Variants in SAFB observed in about 807,000 individuals in gnomAD.
SAFB encodes scaffold attachment factor B1.
SAFB carries 15 observed loss-of-function variants against 101.6 expected under a neutral mutation model. The ratio of observed to expected loss-of-function variants is 0.15; its 90% CI spans 0.10 to 0.23. SAFB has a LOEUF of 0.23. Ranked by LOEUF, SAFB falls within the 10% of genes least tolerant of loss-of-function variation. SAFB has a pLI of 1.00. For missense variants in SAFB, 930 were observed against 1,104.1 expected (o/e 0.84, Z 2.23); for synonymous variants, 449 against 407.5 (o/e 1.10, Z -1.23).
chr19:5,634,002 A>G (rs1190882167), intron 2 of SAFB, among the ~76,000 whole-genome samples: 4 of 152,120 alleles, frequency 2.6e-5, no homozygotes, highest in African/African-American at 9.7e-5. Context: ...GCTGGTTAAA[A>G]TTGTTAATCA....
chr19:5,626,058 A>T (rs367650012), intron 1 of SAFB, among the ~76,000 whole-genome samples: 1 of 152,168 alleles, frequency 6.6e-6, no homozygotes, highest in African/African-American at 2.4e-5. Flanking sequence ...GAACCAGATA[A>T]GCCTACTGTT....
intron 6 of SAFB, chr19:5,648,363 C>T (rs1162689710): frequency 2.7e-6 from 1 of 364,500 alleles, no homozygotes; most frequent in Admixed American, 4.4e-5. Flanking sequence ...AATACCTCTG[C>T]ACCCACAAAA....
At chr19:5,662,448 C>T (rs903985960) in intron 15 of SAFB, among the ~76,000 whole-genome samples, 8 of 150,958 alleles carry the variant, frequency 5.3e-5, no homozygotes, top group African/African-American at 4.9e-5. Flanking sequence ...GAGCCAAGAT[C>T]GTGCCACTGC....
intron 9 of SAFB, among the ~76,000 whole-genome samples, chr19:5,652,810 G>A (rs1399011146): frequency 5.3e-5 from 8 of 151,226 alleles, no homozygotes; most frequent in Admixed American, 5.3e-4. Flanking sequence ...CTGTATATTT[G>A]GAATCATTTC....
chr19:5,659,118 G>GT (rs2054135284), intron 14 of SAFB, among the ~76,000 whole-genome samples: 1 of 151,834 alleles, frequency 6.6e-6, no homozygotes, highest in East Asian at 2.0e-4. Context: ...CTCCAACCTG[G>GT]GTGACAGAGC....
chr19:5,634,012 A>G (rs2053545037), intron 2 of SAFB, among the ~76,000 whole-genome samples: 1 of 152,262 alleles, frequency 6.6e-6, no homozygotes, highest in South Asian at 2.1e-4. Context: ...ATTGTTAATC[A>G]CTTCTCCAGG....
At chr19:5,658,903 T>C (rs1210069627) in intron 14 of SAFB, among the ~76,000 whole-genome samples, 2 of 141,448 alleles carry the variant, frequency 1.4e-5, no homozygotes, top group African/African-American at 2.6e-5. Context: ...TCCCAGCACT[T>C]TGGGAGGCCG....
chr19:5,667,287 GTTA>G lies in SAFB; in HGVS notation c.2454-56_2454-54del. On this transcript the variant is annotated intron_variant, in intron 18 of 20. Coordinates refer to ENST00000588852, the MANE Select transcript of SAFB (RefSeq NM_001201338.2). The surrounding 1 kb of genome is among the most constrained non-coding windows in gnomAD (Gnocchi z 4.0). Reference sequence around the variant, plus strand: ...GATTCACTCTCCAGAAGCCGCCACAGTTATTAGCACAAGAGCCAGAGATGGGGG... The same window carrying G: ...GATTCACTCTCCAGAAGCCGCCACAGTTAGCACAAGAGCCAGAGATGGGGG... The G allele has an allele frequency of 7.4e-7, 1 of 1,359,122 alleles. No homozygotes were observed. The allele number at this position is 1,359,122 out of a possible 1,614,324, so 84.2% of individuals were successfully genotyped here. A position where few individuals can be genotyped will look rare whatever the true frequency, so the allele number is the denominator to read the frequency against.
At chr19:5,639,025 CAAGTATTTTCTATTTAGAAA>C (rs1431310156) in intron 2 of SAFB, among the ~76,000 whole-genome samples, 9 of 152,158 alleles carry the variant, frequency 5.9e-5, no homozygotes, top group Admixed American at 3.3e-4. Context: ...CCACGCCTGG[CAAGTATTTTCTATTTAGAAA>C]AACATGGTAA....
chr19:5,646,626 A>G (rs1568263788), intron 5 of SAFB, among the ~76,000 whole-genome samples: 1 of 152,218 alleles, frequency 6.6e-6, no homozygotes, highest in African/African-American at 2.4e-5. Flanking sequence ...GTACATGGGG[A>G]AAAAACTGAT....
chr19:5,646,812 G>A (rs1283994722), intron 5 of SAFB, among the ~76,000 whole-genome samples: 1 of 152,200 alleles, frequency 6.6e-6, no homozygotes, highest in Non-Finnish European at 1.5e-5. Flanking sequence ...TGAATGAGAA[G>A]GAAGGGTGGT....
chr19:5,627,814 T>C (rs1427040578), intron 2 of SAFB, among the ~76,000 whole-genome samples: 10 of 152,236 alleles, frequency 6.6e-5, no homozygotes, highest in African/African-American at 2.4e-4. Flanking sequence ...TCCCGTGGCA[T>C]AGTTCCTTAC....
intron 4 of SAFB, among the ~76,000 whole-genome samples, chr19:5,642,651 C>CTTTTTTTTTTTTTTTT (rs767488519): frequency 1.3e-4 from 9 of 70,852 alleles, no homozygotes; most frequent in East Asian, 5.8e-4. Flanking sequence ...CCCTTCCTTT[C>CTTTTTTTTTTTTTTTT]TTTTTTTTTT....
In SAFB at chr19:5,667,199, C is replaced by T. The variant is rs774942237; in HGVS notation, c.2453+35C>T. ...CCACACCCGACAGTACCTGACCCCCCCCCCGCCCACAAGGGGGCCCGCAAG... is the reference window on the plus strand; with the variant it reads ...CCACACCCGACAGTACCTGACCCCCTCCCCGCCCACAAGGGGGCCCGCAAG... On this transcript the variant is annotated intron_variant, in intron 18 of 20. Coordinates refer to ENST00000588852, the MANE Select transcript of SAFB (RefSeq NM_001201338.2). The surrounding 1 kb of genome is among the most constrained non-coding windows in gnomAD (Gnocchi z 4.0). 1.3e-5 allele frequency: 17 copies of T among 1,316,802 alleles called. No homozygotes were observed. Among genetic ancestry groups the T allele is most frequent in the South Asian group, 2.7e-5 (2 of 74,994 alleles). 81.6% of individuals were successfully genotyped at this position (1,316,802 alleles called of 1,614,324 possible).
chr19:5,633,168 GT>G (rs1312419625), intron 2 of SAFB, among the ~76,000 whole-genome samples: 1 of 152,108 alleles, frequency 6.6e-6, no homozygotes, highest in Non-Finnish European at 1.5e-5. Flanking sequence ...TTTTGTTATT[GT>G]TTGTTTATTA....
At chr19:5,645,433 G>T in intron 5 of SAFB, 34 bp downstream of exon 5, 1 of 1,012,898 alleles carries the variant, frequency 9.9e-7, no homozygotes, top group South Asian at 1.3e-5. Flanking sequence ...CTTTTAGAAT[G>T]AAAGGTCAGA....
chr19:5,649,899 TG>T, intron 7 of SAFB, 26 bp from the exon 8 acceptor site: 1 of 1,607,022 alleles, frequency 6.2e-7, no homozygotes, highest in Non-Finnish European at 8.5e-7. Context: ...TGCTTCCTTG[TG>T]GAGTGACATT....
intron 14 of SAFB, among the ~76,000 whole-genome samples, chr19:5,660,798 A>T (rs1416425575): frequency 6.6e-6 from 1 of 150,848 alleles, no homozygotes; most frequent in Non-Finnish European, 1.5e-5. Context: ...TGTCATCTGT[A>T]TCCAAAAGAT....
At chr19:5,659,788 T>G (rs2145481126) in intron 14 of SAFB, among the ~76,000 whole-genome samples, 1 of 151,848 alleles carries the variant, frequency 6.6e-6, no homozygotes, top group East Asian at 1.9e-4. Flanking sequence ...ACGGGCAGCC[T>G]GGGGGGCCCC....
Sources: allele counts gnomAD v4.1 joint callset (sites outside exome capture counted in the v4.1 genomes callset), GRCh38; gene constraint gnomAD v4.1.1; non-coding constraint Gnocchi (gnomAD v3.1); transcripts MANE v1.5; gene names NCBI Gene and HGNC (gene_info 2026-07-23, HGNC 2026-07-21).